The following GPNMB variants were observed in gnomAD, a reference collection of about 807,000 sequenced individuals.
The protein encoded by GPNMB is glycoprotein nmb.
GPNMB carries 71 observed loss-of-function variants against 57.3 expected under a neutral mutation model. That is an observed-to-expected ratio of 1.24 (90% CI 1.02 to 1.51). The LOEUF (loss-of-function observed/expected upper bound fraction) is 1.51, where lower values mean the gene tolerates loss of function less well. GPNMB is among the 40% of genes most tolerant of loss of function. GPNMB has a pLI of 0.00. For missense variants in GPNMB, 677 were observed against 691.9 expected (o/e 0.98, Z 0.24); for synonymous variants, 253 against 263.2 (o/e 0.96, Z 0.38).
chr7:23,260,985 A>G (rs892924840), intron 6 of GPNMB, among the ~76,000 whole-genome samples: 2 of 152,192 alleles, frequency 1.3e-5, no homozygotes, highest in Non-Finnish European at 2.9e-5. Context: ...TCACTTTGCA[A>G]ATAGAATTCA....
chr7:23,255,147 T>C (rs576013817), intron 3 of GPNMB, among the ~76,000 whole-genome samples: 2 of 152,250 alleles, frequency 1.3e-5, no homozygotes, highest in South Asian at 4.2e-4. Context: ...GCCTCCCAAG[T>C]AGCTGGGATT....
chr7:23,269,968 A>G lies in GPNMB; in HGVS notation c.1222A>G (p.Ile408Val). The change falls in exon 9 of 11, where the codon ATT becomes GTT. Residue 408 changes from isoleucine to valine, a missense_variant and splice_region_variant. Ile to Val is a conservative substitution (Grantham distance 29). Transcript: ENST00000258733. ...CCTCGCCCACCTCCCCTGTCGCAGC[A>G]TTCCCACGGAGGTCTGTACCATCAT... ...IDFVVTCQGS[I>V]PTEVCTIISD... The G allele has an allele frequency of 6.2e-7, 1 of 1,613,324 alleles. No individual in the cohort carries two copies. The highest frequency in any genetic ancestry group is 8.5e-7 in the Non-Finnish European group (1 of 1,179,426).
At chr7:23,272,856 T>C (rs1036976853) in intron 9 of GPNMB, among the ~76,000 whole-genome samples, 1 of 151,750 alleles carries the variant, frequency 6.6e-6, no homozygotes, top group African/African-American at 2.4e-5. Context: ...CTTTTTTTTT[T>C]TTTTTGAGGC....
At chr7:23,270,200 G>T in intron 9 of GPNMB, 25 bp downstream of exon 9, 2 of 1,525,058 alleles carry the variant, frequency 1.3e-6, no homozygotes, top group South Asian at 2.2e-5. Flanking sequence ...ATGGCCATAT[G>T]AGCATTTCAT....
intron 3 of GPNMB, among the ~76,000 whole-genome samples, chr7:23,254,880 G>A (rs188031906): frequency 2.6e-5 from 4 of 152,234 alleles, no homozygotes; most frequent in Non-Finnish European, 4.4e-5. Context: ...CTCAAAAAAC[G>A]GAGTTAATGG....
rs567890696 is a variant in GPNMB, at chr7:23,260,697, T to C, written c.942T>C (p.Thr314=). The C allele has an allele frequency of 2.5e-5, 41 of 1,610,218 alleles. No homozygotes were observed. Among genetic ancestry groups the C allele is most frequent in the Admixed American group, 8.4e-5 (5 of 59,814 alleles). ...VLNGTFSLNL[T]VKAAAPGPCP... ...ATGGAACCTTCAGCCTTAACCTCAC[T>C]GTGAAAGCTGCAGCACCAGGACCTT... is the stretch of plus-strand genomic sequence containing the variant. The change falls in exon 6 of 11, where the codon ACT becomes ACC. Residue 314 remains threonine (T), a synonymous_variant. Coordinates refer to ENST00000258733, the MANE Select transcript of GPNMB (RefSeq NM_002510.3).
At chr7:23,266,418 TAAAAAGCAA>T in intron 6 of GPNMB, 90 bp from the exon 7 acceptor site, 1 of 1,291,880 alleles carries the variant, frequency 7.7e-7, no homozygotes, top group Admixed American at 2.1e-5. Flanking sequence ...GATATTTTTC[TAAAAAGCAA>T]ATGGCAAATG....
intron 1 of GPNMB, among the ~76,000 whole-genome samples, chr7:23,250,132 T>C (rs1169457264): frequency 6.6e-6 from 1 of 152,236 alleles, no homozygotes; most frequent in African/African-American, 2.4e-5. Context: ...CGTGGTTTTC[T>C]TATAGTGAGT....
chr7:23,268,348 A>G (rs1164011251), intron 8 of GPNMB, among the ~76,000 whole-genome samples: 1 of 152,210 alleles, frequency 6.6e-6, no homozygotes, highest in Non-Finnish European at 1.5e-5. Context: ...GCCACCAGTG[A>G]TCACAAAACT....
chr7:23,266,617 T>A lies in GPNMB; in HGVS notation c.1117+2T>A. The A allele has an allele frequency of 6.2e-7, 1 of 1,613,422 alleles. No homozygotes were observed. The highest frequency in any genetic ancestry group is 2.2e-5 in the East Asian group (1 of 44,868). The stretch of plus-strand genomic sequence containing the variant: ...TTCAAGCCACCATCACAATTGTAGG[T>A]AAGGCTGAAGATGATGACCAGTGAG... On this transcript the variant is annotated splice_donor_variant, in intron 7 of 10. Coordinates refer to ENST00000258733, the MANE Select transcript of GPNMB (RefSeq NM_002510.3). LOFTEE classifies it high-confidence loss of function.
chr7:23,270,168 T>C lies in GPNMB; in HGVS notation c.1422T>C (p.Pro474=), dbSNP rs1318384091. 6.2e-7 allele frequency: 1 copy of C among 1,612,634 alleles called. No individual in the cohort carries two copies. The highest frequency in any genetic ancestry group is 1.1e-5 in the South Asian group (1 of 91,022). The change falls in exon 9 of 11, where the codon CCT becomes CCC. Residue 474 remains proline (P), a synonymous_variant. Coordinates refer to ENST00000258733, the MANE Select transcript of GPNMB (RefSeq NM_002510.3). ...TCACGAGCACCCTGATTTCTGTTCCTGACAGAGGTGAGTTTTGTTTTATGG... is the reference window on the plus strand; with the variant it reads ...TCACGAGCACCCTGATTTCTGTTCCCGACAGAGGTGAGTTTTGTTTTATGG... ...LALTSTLISV[P]DRDPASPLRM...
In GPNMB at chr7:23,274,480, A is replaced by ATT. The variant is rs573898985; in HGVS notation, c.*256_*257insTT. The ATT allele has an allele frequency of 7.6e-4, 263 of 348,018 alleles. 1 individual carries two copies. Among genetic ancestry groups the ATT allele is most frequent in the African/African-American group, 5.3e-3 (247 of 46,746 alleles). The allele number at this position is 348,018 out of a possible 1,614,324, so 21.6% of individuals were successfully genotyped here. On this transcript the variant is annotated 3_prime_UTR_variant, in exon 11 of 11. Transcript: ENST00000258733. ...TCATTATTTTTTATGTTTCACTTATAAAGTCTTAGGTAACTAGTAGGATAG... is the reference window on the plus strand; with the variant it reads ...TCATTATTTTTTATGTTTCACTTATATTAAGTCTTAGGTAACTAGTAGGATAG...
chr7:23,270,489 A>C (rs1327254854), intron 9 of GPNMB, among the ~76,000 whole-genome samples: 1 of 151,782 alleles, frequency 6.6e-6, no homozygotes, highest in Non-Finnish European at 1.5e-5. Flanking sequence ...TTTCAAGGAG[A>C]AAGTTTAAAG....
chr7:23,253,163 T>G (rs1782696581), intron 1 of GPNMB, 144 bp from the exon 2 acceptor site: 1 of 611,460 alleles, frequency 1.6e-6, no homozygotes, highest in African/African-American at 1.9e-5. Flanking sequence ...AGACTTCCTT[T>G]AAAAAACAAA....
rs1304336570 is a variant in GPNMB, at chr7:23,274,261, C to T, written c.*37C>T. The stretch of plus-strand genomic sequence containing the variant: ...GTTTCTGAAGCTCACTTTTCAGTGC[C>T]ATTGATGTGAGATGTGCTGGAGTGG... On this transcript the variant is annotated 3_prime_UTR_variant, in exon 11 of 11. Coordinates refer to ENST00000258733, the MANE Select transcript of GPNMB (RefSeq NM_002510.3). 2 of 1,506,188 alleles carry T rather than the reference C, an allele frequency of 1.3e-6. No homozygotes were observed. The highest frequency in any genetic ancestry group is 1.8e-6 in the Non-Finnish European group (2 of 1,083,732). 93.3% of individuals were successfully genotyped at this position (1,506,188 alleles called of 1,614,324 possible). A position where few individuals can be genotyped will look rare whatever the true frequency, so the allele number is the denominator to read the frequency against.
intron 3 of GPNMB, among the ~76,000 whole-genome samples, chr7:23,255,133 C>G (rs912645949): frequency 2.0e-5 from 3 of 152,158 alleles, no homozygotes; most frequent in Non-Finnish European, 4.4e-5. Flanking sequence ...ATTCTCCTGC[C>G]TCAGCCTCCC....
chr7:23,253,469 A>G lies in GPNMB; in HGVS notation c.223+10A>G. ...AAAAACTCCTGGAAGGGTAAGTCAA[A>G]AGATTCAAACCAAACACCTGCAATT... On this transcript the variant is annotated intron_variant, in intron 2 of 10. Coordinates refer to ENST00000258733, the MANE Select transcript of GPNMB (RefSeq NM_002510.3). 6.2e-7 allele frequency: 1 copy of G among 1,611,728 alleles called. No homozygotes were observed.
chr7:23,273,862 G>A, intron 10 of GPNMB: 2 of 583,124 alleles, frequency 3.4e-6, no homozygotes, highest in Non-Finnish European at 3.0e-6. Flanking sequence ...TAACATGATA[G>A]TCTCAAATTA....
At chr7:23,261,140 T>C (rs548075045) in intron 6 of GPNMB, among the ~76,000 whole-genome samples, 5 of 152,274 alleles carry the variant, frequency 3.3e-5, no homozygotes, top group East Asian at 3.9e-4. Context: ...CCTTATACGA[T>C]CAGGTCATTT....
Sources: gnomAD v4.1 joint callset for allele counts (sites outside exome capture counted in the v4.1 genomes callset) on GRCh38, gnomAD v4.1.1 for gene constraint, MANE v1.5 for transcripts, NCBI Gene and HGNC (gene_info 2026-07-23, HGNC 2026-07-21) for gene names.